The following TMEM177 variants were observed in gnomAD, a reference collection of about 807,000 sequenced individuals.
The protein encoded by TMEM177 is transmembrane protein 177.
Under a neutral mutation model 14.2 loss-of-function variants are expected in TMEM177, and 4 were observed. The observed-to-expected ratio is 0.28, with a 90% CI of 0.14 to 0.64. TMEM177 has a LOEUF of 0.64. Among genes scored for constraint, TMEM177 ranks in the 30% least tolerant of loss-of-function variants. TMEM177 has a pLI of 0.82. For missense variants in TMEM177, 344 were observed against 405.2 expected (o/e 0.85, Z 1.30); for synonymous variants, 179 against 174.5 (o/e 1.03, Z -0.20).
the TMEM177 span, among the ~76,000 whole-genome samples, chr2:119,700,869 T>C: frequency 6.6e-6 from 1 of 152,258 alleles, no homozygotes; most frequent in Non-Finnish European, 1.5e-5. Context: ...ACCTTGCTTT[T>C]TCTGGCTGTT....
chr2:119,707,840 A>G, the TMEM177 span, among the ~76,000 whole-genome samples: 7 of 152,154 alleles, frequency 4.6e-5, no homozygotes, highest in African/African-American at 1.7e-4. Context: ...TTGGTTGGAG[A>G]TGGGGCTTGG....
chr2:119,694,785 T>C, the TMEM177 span, among the ~76,000 whole-genome samples: 7 of 152,252 alleles, frequency 4.6e-5, no homozygotes, highest in Non-Finnish European at 8.8e-5. Context: ...CATCATGTGC[T>C]TGTGTCAGGG....
At chr2:119,720,218 AAAAAAG>A in the TMEM177 span, among the ~76,000 whole-genome samples, 2 of 152,170 alleles carry the variant, frequency 1.3e-5, no homozygotes, top group Admixed American at 1.3e-4. Flanking sequence ...GCCCAGTGCA[AAAAAAG>A]AAAATCAGTA....
chr2:119,699,361 G>A, the TMEM177 span, among the ~76,000 whole-genome samples: 1 of 152,180 alleles, frequency 6.6e-6, no homozygotes, highest in Non-Finnish European at 1.5e-5. Context: ...CGGCACGGGG[G>A]AACCGCCCCC....
the TMEM177 span, among the ~76,000 whole-genome samples, chr2:119,700,715 T>C: frequency 6.6e-6 from 1 of 152,138 alleles, no homozygotes; most frequent in Non-Finnish European, 1.5e-5. Context: ...TATGGTAAAA[T>C]GGAAACACCA....
Position 119,680,748 on chromosome 2 carries a change from A to G in TMEM177, c.-22-84A>G, listed in dbSNP as rs1031339866. 6 of 1,106,298 alleles carry G rather than the reference A, an allele frequency of 5.4e-6. No individual in the cohort carries two copies. In the African/African-American group the frequency reaches 9.4e-5, roughly 17 times the overall value. 68.5% of individuals were successfully genotyped at this position (1,106,298 alleles called of 1,614,324 possible). A position where few individuals can be genotyped will look rare whatever the true frequency, so the allele number is the denominator to read the frequency against. Reference sequence around the variant, plus strand: ...CCACTATGCTGTGTTACTTTGGTTTAAAAAGGTGGTGTGGACCCTGGAGGA... The same window carrying G: ...CCACTATGCTGTGTTACTTTGGTTTGAAAAGGTGGTGTGGACCCTGGAGGA... On this transcript the variant is annotated intron_variant, in intron 1 of 1. Coordinates refer to ENST00000272521, the MANE Select transcript of TMEM177 (RefSeq NM_030577.3).
At chr2:119,714,302 C>G in the TMEM177 span, among the ~76,000 whole-genome samples, 2 of 152,150 alleles carry the variant, frequency 1.3e-5, no homozygotes, top group Admixed American at 1.3e-4. Context: ...CCAGTTCCAG[C>G]TGGAGGTGGA....
Position 119,681,531 on chromosome 2 carries a change from C to T in TMEM177, c.678C>T (p.Ala226=), listed in dbSNP as rs753379936. The change falls in exon 2 of 2, where the codon GCC becomes GCT. Residue 226 remains alanine, a synonymous_variant. Coordinates refer to ENST00000272521, the MANE Select transcript of TMEM177 (RefSeq NM_030577.3). ...TCTCCCAGGATTCTCTCACTCATGCCGTGGAGTCCTGGCTGGACCGCCGCA... is the reference window on the plus strand; with the variant it reads ...TCTCCCAGGATTCTCTCACTCATGCTGTGGAGTCCTGGCTGGACCGCCGCA... ...YAFSQDSLTH[A]VESWLDRRTA... 14 of 1,614,032 alleles carry T rather than the reference C, an allele frequency of 8.7e-6. No individual in the cohort carries two copies. The highest frequency in any genetic ancestry group is 4.0e-5 in the African/African-American group (3 of 74,952).
the TMEM177 span, among the ~76,000 whole-genome samples, chr2:119,715,806 G>C: frequency 1.3e-5 from 2 of 152,184 alleles, no homozygotes; most frequent in Non-Finnish European, 2.9e-5. Flanking sequence ...TCTCCTGCAG[G>C]GTGACCGCTG....
the TMEM177 span, among the ~76,000 whole-genome samples, chr2:119,694,027 CAT>C: frequency 1.8e-3 from 5 of 2,818 alleles, no homozygotes; most frequent in South Asian, 0.012. Flanking sequence ...ACATACCACA[CAT>C]ATGACACATA....
At chr2:119,705,155 C>G in the TMEM177 span, among the ~76,000 whole-genome samples, 1 of 152,224 alleles carries the variant, frequency 6.6e-6, no homozygotes, top group Non-Finnish European at 1.5e-5. Context: ...TTTTCAAAGC[C>G]TTCTTGTACC....
the TMEM177 span, among the ~76,000 whole-genome samples, chr2:119,716,007 G>A: frequency 6.6e-6 from 1 of 152,228 alleles, no homozygotes; most frequent in African/African-American, 2.4e-5. Flanking sequence ...GAGTGGACTG[G>A]GCATCTAAGT....
the TMEM177 span, among the ~76,000 whole-genome samples, chr2:119,710,754 C>T: frequency 3.9e-5 from 6 of 152,092 alleles, no homozygotes; most frequent in East Asian, 3.9e-4. Context: ...GGACTACAGG[C>T]GCCCCCACCA....
chr2:119,686,989 C>T (rs915835532), downstream of TMEM177, among the ~76,000 whole-genome samples: 1 of 152,166 alleles, frequency 6.6e-6, no homozygotes, highest in African/African-American at 2.4e-5. Context: ...CCTAATGATC[C>T]CTGGTCCTAA....
At chr2:119,714,505 T>C in the TMEM177 span, among the ~76,000 whole-genome samples, 1 of 151,994 alleles carries the variant, frequency 6.6e-6, no homozygotes, top group African/African-American at 2.4e-5. Flanking sequence ...GAGAAAAATA[T>C]AGAAAAAGAA....
chr2:119,713,117 T>C, the TMEM177 span, among the ~76,000 whole-genome samples: 3 of 151,926 alleles, frequency 2.0e-5, no homozygotes, highest in Admixed American at 6.6e-5. Flanking sequence ...TTGCCCAGGC[T>C]GGAGTGCAAT....
downstream of TMEM177, among the ~76,000 whole-genome samples, chr2:119,688,934 G>A (rs116072505): frequency 0.019 from 2,916 of 152,306 alleles, 34 homozygotes; most frequent in African/African-American, 0.021. Flanking sequence ...GCGATGGAGC[G>A]TGGGGACAGT....
the TMEM177 span, among the ~76,000 whole-genome samples, chr2:119,707,062 C>T: frequency 6.6e-6 from 1 of 152,062 alleles, no homozygotes; most frequent in African/African-American, 2.4e-5. Flanking sequence ...CAGGCGCCCA[C>T]CACAACGCCC....
At chr2:119,695,750 C>T in the TMEM177 span, among the ~76,000 whole-genome samples, 7 of 152,224 alleles carry the variant, frequency 4.6e-5, no homozygotes, top group Non-Finnish European at 8.8e-5. Flanking sequence ...CTTCACAGCA[C>T]CCTGGGGTGG....
Sources: gnomAD v4.1 joint callset for allele counts (sites outside exome capture counted in the v4.1 genomes callset) on GRCh38, gnomAD v4.1.1 for gene constraint, MANE v1.5 for transcripts, NCBI Gene and HGNC (gene_info 2026-07-23, HGNC 2026-07-21) for gene names.